The following PLPPR1 variants were observed in gnomAD, a reference collection of about 807,000 sequenced individuals.
The protein encoded by PLPPR1 is phospholipid phosphatase-related protein type 1.
Under a neutral mutation model 33.1 loss-of-function variants are expected in PLPPR1, and 10 were observed. The ratio of observed to expected loss-of-function variants is 0.30; its 90% CI spans 0.19 to 0.51. The LOEUF (loss-of-function observed/expected upper bound fraction) is 0.51. Among genes scored for constraint, PLPPR1 ranks in the 20% least tolerant of loss-of-function variants. The probability of loss-of-function intolerance (pLI) is 0.97; values close to 1 mark genes in which losing one functional copy is unlikely to be tolerated. For missense variants in PLPPR1, 304 were observed against 408.1 expected (o/e 0.74, Z 2.20); for synonymous variants, 151 against 151.0 (o/e 1.00, Z 0.00).
intron 2 of PLPPR1, among the ~76,000 whole-genome samples, chr9:101,211,072 T>C (rs914427998): frequency 2.0e-5 from 3 of 152,186 alleles, no homozygotes; most frequent in African/African-American, 7.2e-5. Flanking sequence ...CGGCCTATAA[T>C]TATGGTTTTA....
intron 1 of PLPPR1, among the ~76,000 whole-genome samples, chr9:101,164,619 C>T (rs763373983): frequency 2.0e-4 from 30 of 152,036 alleles, no homozygotes; most frequent in Non-Finnish European, 2.6e-4. Context: ...CTACCTGCCT[C>T]GGCCTCCCAA....
intron 1 of PLPPR1, 22 bp from the exon 2 acceptor site, chr9:101,185,428 A>T: frequency 3.2e-6 from 3 of 945,432 alleles, no homozygotes; most frequent in Non-Finnish European, 5.1e-6. Context: ...TTCTTATACT[A>T]TGCAACCTAT....
At chr9:101,289,324 C>T (rs1251620625) in intron 4 of PLPPR1, among the ~76,000 whole-genome samples, 1 of 152,216 alleles carries the variant, frequency 6.6e-6, no homozygotes, top group South Asian at 2.1e-4. Flanking sequence ...AGGCACTTCT[C>T]ATATTACTAT....
At chr9:101,072,137 T>A (rs1218635887) in intron 1 of PLPPR1, among the ~76,000 whole-genome samples, 3 of 152,156 alleles carry the variant, frequency 2.0e-5, no homozygotes, top group Admixed American at 1.3e-4. Context: ...CTGTGTCAGA[T>A]ATCCCTACAG....
At chr9:101,259,853 C>G (rs1391137018) in intron 2 of PLPPR1, among the ~76,000 whole-genome samples, 1 of 152,094 alleles carries the variant, frequency 6.6e-6, no homozygotes, top group Non-Finnish European at 1.5e-5. Flanking sequence ...GTTAGCCTTT[C>G]CAGAGGAAGC....
rs762791678 is a variant in PLPPR1 at position 101,051,272 on chromosome 9, ACTT to A, written c.-46+22173_-46+22175del. Among the ~76,000 whole-genome samples, 695 of 135,256 alleles carry A rather than the reference ACTT, an allele frequency of 5.1e-3. 10 individuals are homozygous for A. Among genetic ancestry groups the A allele is most frequent in the East Asian group, 0.046 (206 of 4,500 alleles). The allele number at this position is 135,256 out of a possible 152,430, so 88.7% of individuals were successfully genotyped here. A position where few individuals can be genotyped will look rare whatever the true frequency, so the allele number is the denominator to read the frequency against. On this transcript the variant is annotated intron_variant, in intron 1 of 7. Transcript: ENST00000374874. ...TACTACTACTACTACTACTACTACT[ACTT>A]CTACTACTACTACTACTACCACTAC...
chr9:101,137,638 A>G (rs1189219040), intron 1 of PLPPR1, among the ~76,000 whole-genome samples: 1 of 152,196 alleles, frequency 6.6e-6, no homozygotes, highest in Non-Finnish European at 1.5e-5. Context: ...CATACTGGAC[A>G]TGGCAGCCTG....
intron 1 of PLPPR1, among the ~76,000 whole-genome samples, chr9:101,035,026 G>A (rs924816260): frequency 2.0e-5 from 3 of 152,076 alleles, no homozygotes; most frequent in Admixed American, 6.6e-5. Context: ...GTTTGCTTGC[G>A]TTTAGCCTAG....
At chr9:101,113,630 A>C (rs1445087938) in intron 1 of PLPPR1, among the ~76,000 whole-genome samples, 2 of 151,840 alleles carry the variant, frequency 1.3e-5, no homozygotes, top group Non-Finnish European at 2.9e-5. Flanking sequence ...AACAGAAAAA[A>C]CAAAAAAACA....
chr9:101,317,224 C>T, intron 6 of PLPPR1, 141 bp from the exon 7 acceptor site: 1 of 839,672 alleles, frequency 1.2e-6, no homozygotes, highest in Non-Finnish European at 1.9e-6. Context: ...CACAGCACTT[C>T]CCATAGTCCC....
intron 2 of PLPPR1, among the ~76,000 whole-genome samples, chr9:101,191,473 T>C (rs977220804): frequency 6.6e-6 from 1 of 152,198 alleles, no homozygotes; most frequent in African/African-American, 2.4e-5. Flanking sequence ...TCTTTCTCTC[T>C]TCCTGTTTTC....
intron 1 of PLPPR1, among the ~76,000 whole-genome samples, chr9:101,149,284 T>C (rs185579972): frequency 6.6e-6 from 1 of 152,342 alleles, no homozygotes; most frequent in Admixed American, 6.5e-5. Context: ...TCTACAGATA[T>C]TTGTGAATGA....
In PLPPR1 at chr9:101,208,403, G is replaced by A. The variant is rs189523051; in HGVS notation, c.63+22846G>A. 2.2e-3 allele frequency among the ~76,000 whole-genome samples: 335 copies of A among 152,234 alleles called. 7 individuals are homozygous for A. Among genetic ancestry groups the A allele is most frequent in the Admixed American group, 0.02 (313 of 15,280 alleles). On this transcript the variant is annotated intron_variant, in intron 2 of 7. Transcript: ENST00000374874. ...TTCCTGGTGAATTTTTCACTCCTTG[G>A]TGATAGTTTTCTTTGTTAACATCCT...
chr9:101,257,962 A>G (rs1228907515), intron 2 of PLPPR1, among the ~76,000 whole-genome samples: 3 of 152,164 alleles, frequency 2.0e-5, no homozygotes, highest in African/African-American at 7.2e-5. Flanking sequence ...AAAATTAATT[A>G]TAAAAGTTTT....
chr9:101,279,960 G>A (rs1828267254), intron 3 of PLPPR1, among the ~76,000 whole-genome samples: 1 of 151,954 alleles, frequency 6.6e-6, no homozygotes. Flanking sequence ...AAAGATCAGA[G>A]CAGAAATAAA....
intron 2 of PLPPR1, among the ~76,000 whole-genome samples, chr9:101,207,780 G>A (rs1826617452): frequency 6.6e-6 from 1 of 152,042 alleles, no homozygotes; most frequent in Non-Finnish European, 1.5e-5. Context: ...GAGAGATTTT[G>A]AAAAAAGAAA....
intron 1 of PLPPR1, among the ~76,000 whole-genome samples, chr9:101,172,083 C>A (rs1825950323): frequency 6.6e-6 from 1 of 152,134 alleles, no homozygotes; most frequent in Non-Finnish European, 1.5e-5. Flanking sequence ...TAGCCATAAT[C>A]TCATTTTATT....
intron 1 of PLPPR1, among the ~76,000 whole-genome samples, chr9:101,180,139 TATATACACAC>T (rs1458410388): frequency 7.2e-4 from 27 of 37,346 alleles, no homozygotes; most frequent in African/African-American, 1.9e-3. Context: ...TATATATATA[TATATACACAC>T]ACACACACAC....
intron 1 of PLPPR1, among the ~76,000 whole-genome samples, chr9:101,168,226 C>T (rs73656177): frequency 5.3e-5 from 8 of 152,262 alleles, no homozygotes; most frequent in African/African-American, 1.7e-4. Context: ...TGCCATCCCT[C>T]TTGCATTCTC....
Sources: allele counts gnomAD v4.1 joint callset (sites outside exome capture counted in the v4.1 genomes callset), GRCh38; gene constraint gnomAD v4.1.1; transcripts MANE v1.5; gene names NCBI Gene and HGNC (gene_info 2026-07-23, HGNC 2026-07-21).